Variants in CSGALNACT1 observed in about 807,000 individuals in gnomAD.
CSGALNACT1 encodes chondroitin sulfate N-acetylgalactosaminyltransferase 1.
Under a neutral mutation model 51.0 loss-of-function variants are expected in CSGALNACT1, and 52 were observed. The observed-to-expected ratio is 1.02, with a 90% CI of 0.82 to 1.29. The LOEUF is 1.29. Ranked by LOEUF, CSGALNACT1 falls within the 50% of genes most tolerant of loss-of-function variation. The pLI, the probability that CSGALNACT1 is intolerant of heterozygous loss-of-function variation, is 0.00. For synonymous variants in CSGALNACT1, 341 were observed against 254.4 expected, an observed-to-expected ratio of 1.34 and a Z score of -3.24; for missense variants, 935 against 679.2, an observed-to-expected ratio of 1.38 and a Z score of -4.19.
intron 1 of CSGALNACT1, among the ~76,000 whole-genome samples, chr8:19,620,553 C>G (rs2053687098): frequency 6.6e-6 from 1 of 151,904 alleles, no homozygotes; most frequent in Non-Finnish European, 1.5e-5. Flanking sequence ...CCACCTCAGC[C>G]ACCTGAGGAG....
intron 2 of CSGALNACT1, among the ~76,000 whole-genome samples, chr8:19,598,800 A>G (rs1267911675): frequency 2.0e-5 from 3 of 152,230 alleles, no homozygotes; most frequent in East Asian, 3.9e-4. Flanking sequence ...ACACGTGCCC[A>G]TAAGAAGAAT....
chr8:19,411,227 C>G (rs2055648409), intron 8 of CSGALNACT1, among the ~76,000 whole-genome samples: 2 of 152,206 alleles, frequency 1.3e-5, no homozygotes, highest in East Asian at 1.9e-4. Flanking sequence ...ACCTGCCACC[C>G]TAATGCCACT....
chr8:19,476,573 C>T (rs773356454), intron 4 of CSGALNACT1, among the ~76,000 whole-genome samples: 29 of 152,056 alleles, frequency 1.9e-4, no homozygotes, highest in Non-Finnish European at 3.4e-4. Context: ...TCAGTCATGA[C>T]GCCCAAATTC....
chr8:19,641,857 C>T (rs1365693204), intron 1 of CSGALNACT1: 3 of 152,158 alleles, frequency 2.0e-5, no homozygotes, highest in Non-Finnish European at 4.4e-5. Flanking sequence ...CAATTTTTTT[C>T]TGCGAAGGGA....
chr8:19,410,128 G>A (rs1387277799), intron 8 of CSGALNACT1, among the ~76,000 whole-genome samples: 2 of 152,144 alleles, frequency 1.3e-5, no homozygotes, highest in African/African-American at 4.8e-5. Flanking sequence ...ACAGGGAATG[G>A]GGACCTGCTG....
intron 1 of CSGALNACT1, among the ~76,000 whole-genome samples, chr8:19,703,466 GCTAATTTT>G (rs1368777517): frequency 6.6e-6 from 1 of 152,104 alleles, no homozygotes; most frequent in Non-Finnish European, 1.5e-5. Flanking sequence ...ACCAAGCCCG[GCTAATTTT>G]CTGTATTTTT....
chr8:19,750,269 C>T (rs2064948561), intron 1 of CSGALNACT1, among the ~76,000 whole-genome samples: 1 of 152,214 alleles, frequency 6.6e-6, no homozygotes, highest in South Asian at 2.1e-4. Flanking sequence ...GCTTAGGTAA[C>T]AACAAAGGGT....
At chr8:19,490,159 C>G (rs1394120294) in intron 4 of CSGALNACT1, among the ~76,000 whole-genome samples, 1 of 152,206 alleles carries the variant, frequency 6.6e-6, no homozygotes, top group African/African-American at 2.4e-5. Flanking sequence ...TTCCCAGCTC[C>G]TCTTTAAATA....
chr8:19,628,017 G>A lies in CSGALNACT1; in HGVS notation c.-543-26152C>T, dbSNP rs186097297. ...TGTACTATTTTTTTCAACTTCTTGCGAGTCTAAAATGATTTCAAAATAAGA... is the reference window on the plus strand; with the variant it reads ...TGTACTATTTTTTTCAACTTCTTGCAAGTCTAAAATGATTTCAAAATAAGA... On this transcript the variant is annotated intron_variant, in intron 1 of 9. Transcript: ENST00000332246. 7.2e-5 allele frequency among the ~76,000 whole-genome samples: 11 copies of A among 152,262 alleles called. No individual in the cohort carries two copies. In the East Asian group the frequency reaches 7.7e-4, roughly 11 times the overall value.
At chr8:19,605,117 T>C (rs1169394973), upstream of CSGALNACT1, among the ~76,000 whole-genome samples, 1 of 152,076 alleles carries the variant, frequency 6.6e-6, no homozygotes, top group South Asian at 2.1e-4. Flanking sequence ...AAATAGACAA[T>C]AAGTATTTGC....
intron 6 of CSGALNACT1, among the ~76,000 whole-genome samples, chr8:19,422,353 C>T (rs1044175009): frequency 2.6e-5 from 4 of 152,064 alleles, no homozygotes; most frequent in Non-Finnish European, 5.9e-5. Context: ...CTACCATGCC[C>T]AGCTAATTCT....
At chr8:19,713,418 G>C (rs2062623859) in intron 1 of CSGALNACT1, among the ~76,000 whole-genome samples, 1 of 152,130 alleles carries the variant, frequency 6.6e-6, no homozygotes, top group Non-Finnish European at 1.5e-5. Flanking sequence ...TAAGTGTTAT[G>C]CGTTGAATTG....
intron 3 of CSGALNACT1, among the ~76,000 whole-genome samples, chr8:19,575,816 G>C (rs919305901): frequency 3.9e-5 from 6 of 152,124 alleles, no homozygotes; most frequent in African/African-American, 1.4e-4. Flanking sequence ...CGGAGGCTTA[G>C]ATGAAGTAAG....
intron 3 of CSGALNACT1, among the ~76,000 whole-genome samples, chr8:19,541,553 A>ATT (rs1159626193): frequency 0.012 from 854 of 70,082 alleles, 94 homozygotes; most frequent in Admixed American, 0.023. Flanking sequence ...TGCTCAGCCA[A>ATT]TTTTTTTTTT....
At chr8:19,503,379 G>A (rs2076748325) in intron 4 of CSGALNACT1, among the ~76,000 whole-genome samples, 2 of 152,196 alleles carry the variant, frequency 1.3e-5, no homozygotes, top group African/African-American at 4.8e-5. Context: ...TGCTGATTGA[G>A]AAAGATAGGC....
intron 3 of CSGALNACT1, among the ~76,000 whole-genome samples, chr8:19,532,594 G>A (rs1383309714): frequency 2.0e-5 from 3 of 152,062 alleles, no homozygotes; most frequent in African/African-American, 7.2e-5. Flanking sequence ...TAATGACCTG[G>A]AAAGTCCTCA....
At chr8:19,734,823 T>C (rs1172367657) in intron 1 of CSGALNACT1, among the ~76,000 whole-genome samples, 1 of 152,052 alleles carries the variant, frequency 6.6e-6, no homozygotes, top group African/African-American at 2.4e-5. Flanking sequence ...TATATACATA[T>C]ATGTGTATAT....
chr8:19,472,880 G>A (rs904188649), intron 4 of CSGALNACT1, among the ~76,000 whole-genome samples: 1 of 152,146 alleles, frequency 6.6e-6, no homozygotes, highest in African/African-American at 2.4e-5. Flanking sequence ...TCTTCATAGG[G>A]TTACTTTGAA....
intron 4 of CSGALNACT1, among the ~76,000 whole-genome samples, chr8:19,459,133 C>G (rs1422794510): frequency 6.6e-6 from 1 of 152,016 alleles, no homozygotes; most frequent in Non-Finnish European, 1.5e-5. Context: ...TGCCTATAAA[C>G]CCAGTACTTT....
Sources: gnomAD v4.1 joint callset for allele counts (sites outside exome capture counted in the v4.1 genomes callset) on GRCh38, gnomAD v4.1.1 for gene constraint, MANE v1.5 for transcripts, NCBI Gene and HGNC (gene_info 2026-07-23, HGNC 2026-07-21) for gene names.